ULK4: variants seen among roughly 807,000 people sequenced by gnomAD.
ULK4 encodes the protein unc-51 like kinase 4.
ULK4 carries 133 observed loss-of-function variants against 160.6 expected under a neutral mutation model. The observed-to-expected ratio is 0.83, with a 90% CI of 0.72 to 0.96. ULK4 has a LOEUF of 0.96. Among genes scored for constraint, ULK4 ranks in the 40% least tolerant of loss-of-function variants. The probability of loss-of-function intolerance (pLI) is 0.00; values close to 1 mark genes in which losing one functional copy is unlikely to be tolerated. For missense variants in ULK4, 1,580 were observed against 1,499.5 expected, an observed-to-expected ratio of 1.05 and a Z score of -0.89; for synonymous variants, 534 against 539.8, an observed-to-expected ratio of 0.99 and a Z score of 0.15.
chr3:41,482,128 T>G (rs2084349802), intron 32 of ULK4, among the ~76,000 whole-genome samples: 1 of 152,132 alleles, frequency 6.6e-6, no homozygotes, highest in South Asian at 2.1e-4. Flanking sequence ...CCCTGAATTC[T>G]TTTTTGCATG....
intron 35 of ULK4, among the ~76,000 whole-genome samples, chr3:41,284,946 T>C (rs747068714): frequency 2.7e-4 from 41 of 152,048 alleles, no homozygotes; most frequent in Admixed American, 4.6e-4. Context: ...GAATAGACAA[T>C]TCTCAAAAGA....
At chr3:41,841,117 T>C (rs2041908949) in intron 17 of ULK4, among the ~76,000 whole-genome samples, 1 of 124,954 alleles carries the variant, frequency 8.0e-6, no homozygotes, top group African/African-American at 3.5e-5. Flanking sequence ...GTCTGGGAGG[T>C]GAGGAGCGCC....
At chr3:41,698,357 G>A (rs2036566745) in intron 27 of ULK4, among the ~76,000 whole-genome samples, 1 of 152,020 alleles carries the variant, frequency 6.6e-6, no homozygotes, top group Non-Finnish European at 1.5e-5. Flanking sequence ...GAACTCCTAG[G>A]CTCCAGTTAT....
At chr3:41,335,124 T>C (rs1415070516) in intron 35 of ULK4, among the ~76,000 whole-genome samples, 6 of 152,250 alleles carry the variant, frequency 3.9e-5, no homozygotes, top group Non-Finnish European at 8.8e-5. Context: ...GCACACAATT[T>C]CTTCTTTATA....
intron 11 of ULK4, among the ~76,000 whole-genome samples, chr3:41,910,453 G>A (rs1698740175): frequency 6.6e-6 from 1 of 151,872 alleles, no homozygotes; most frequent in Admixed American, 6.6e-5. Flanking sequence ...AATTAGCCAG[G>A]CGAGGTGGTG....
chr3:41,272,396 T>C (rs1175540766), intron 35 of ULK4, among the ~76,000 whole-genome samples: 2 of 149,718 alleles, frequency 1.3e-5, no homozygotes, highest in Non-Finnish European at 3.0e-5. Context: ...AGGTTGACAG[T>C]TTCTTCCCCC....
intron 32 of ULK4, among the ~76,000 whole-genome samples, chr3:41,478,629 G>A (rs2084214723): frequency 6.6e-6 from 1 of 152,200 alleles, no homozygotes; most frequent in South Asian, 2.1e-4. Flanking sequence ...TTACATACTT[G>A]AGAGTGAAAA....
chr3:41,792,935 G>A (rs574995727), intron 20 of ULK4, among the ~76,000 whole-genome samples: 3 of 152,368 alleles, frequency 2.0e-5, no homozygotes, highest in South Asian at 2.1e-4. Flanking sequence ...AGCACTCAGG[G>A]AGGCTGATGC....
At chr3:41,423,169 G>T (rs1204515537) in intron 34 of ULK4, among the ~76,000 whole-genome samples, 1 of 152,164 alleles carries the variant, frequency 6.6e-6, no homozygotes, top group Non-Finnish European at 1.5e-5. Flanking sequence ...TGCTTTGACA[G>T]TAAGCAGGGA....
intron 21 of ULK4, among the ~76,000 whole-genome samples, chr3:41,770,596 A>G (rs1448121982): frequency 2.0e-5 from 3 of 148,772 alleles, no homozygotes; most frequent in African/African-American, 7.5e-5. Flanking sequence ...TGCAACCTCC[A>G]GTCTCCCAGG....
chr3:41,574,811 G>C (rs892473758), intron 31 of ULK4, among the ~76,000 whole-genome samples: 2 of 152,100 alleles, frequency 1.3e-5, no homozygotes, highest in African/African-American at 4.8e-5. Context: ...CTCCCAAAGT[G>C]CTGGGATTAC....
intron 35 of ULK4, among the ~76,000 whole-genome samples, chr3:41,307,370 G>C (rs7616239): frequency 6.6e-6 from 1 of 152,098 alleles, no homozygotes; most frequent in East Asian, 1.9e-4. Flanking sequence ...AGTGAAGGTA[G>C]GTGCTTTTTT....
At chr3:41,883,209 A>G (rs1697587243) in intron 17 of ULK4, among the ~76,000 whole-genome samples, 2 of 152,224 alleles carry the variant, frequency 1.3e-5, no homozygotes, top group South Asian at 4.1e-4. Flanking sequence ...TTAAGGCTCC[A>G]AATACCAGTT....
intron 30 of ULK4, among the ~76,000 whole-genome samples, chr3:41,646,336 GTTCCT>G (rs1214165339): frequency 6.6e-6 from 1 of 152,194 alleles, no homozygotes; most frequent in African/African-American, 2.4e-5. Flanking sequence ...GGTACTGGTT[GTTCCT>G]TTCCATGTTT....
chr3:41,663,780 CAATTTAG>C, intron 29 of ULK4, 81 bp from the exon 30 acceptor site: 1 of 1,140,530 alleles, frequency 8.8e-7, no homozygotes, highest in Non-Finnish European at 1.3e-6. Context: ...GCCAAACTAT[CAATTTAG>C]CTTAAGACAG....
intron 30 of ULK4, among the ~76,000 whole-genome samples, chr3:41,636,318 TGAGTCCAA>T (rs921050089): frequency 2.0e-5 from 3 of 152,114 alleles, no homozygotes. Context: ...GTGGATTACT[TGAGTCCAA>T]GAGTTCAAGA....
intron 31 of ULK4, among the ~76,000 whole-genome samples, chr3:41,572,643 G>A (rs978252280): frequency 6.6e-6 from 1 of 151,428 alleles, no homozygotes; most frequent in African/African-American, 2.4e-5. Flanking sequence ...GCGGGTGCCT[G>A]TAGTCCCAGC....
intron 32 of ULK4, among the ~76,000 whole-genome samples, chr3:41,524,330 AGT>A (rs2086036043): frequency 6.6e-6 from 1 of 152,176 alleles, no homozygotes; most frequent in African/African-American, 2.4e-5. Context: ...TACAGAAATG[AGT>A]GAGGTCATTT....
intron 32 of ULK4, among the ~76,000 whole-genome samples, chr3:41,506,573 C>T (rs2085378784): frequency 6.6e-6 from 1 of 151,444 alleles, no homozygotes; most frequent in Non-Finnish European, 1.5e-5. Flanking sequence ...TTGGAATCTT[C>T]TAAGATTTTT....
Sources: allele counts gnomAD v4.1 joint callset (sites outside exome capture counted in the v4.1 genomes callset), GRCh38; gene constraint gnomAD v4.1.1; transcripts MANE v1.5; gene names NCBI Gene and HGNC (gene_info 2026-07-23, HGNC 2026-07-21).